NEDD4: variants seen among roughly 807,000 people sequenced by gnomAD.
The protein encoded by NEDD4 is E3 ubiquitin-protein ligase NEDD4.
In NEDD4, 99 loss-of-function variants were observed where a neutral mutation model predicts 144.9. The ratio of observed to expected loss-of-function variants is 0.68; its 90% CI spans 0.58 to 0.81. The LOEUF is 0.81. Among genes scored for constraint, NEDD4 ranks in the 30% least tolerant of loss-of-function variants. The pLI, the probability that NEDD4 is intolerant of heterozygous loss-of-function variation, is 0.00. For missense variants in NEDD4, 985 were observed against 1,065.9 expected, an observed-to-expected ratio of 0.92 and a Z score of 1.06; for synonymous variants, 318 against 350.6, an observed-to-expected ratio of 0.91 and a Z score of 1.04.
intron 1 of NEDD4, among the ~76,000 whole-genome samples, chr15:55,983,886 C>T (rs1187713636): frequency 1.3e-5 from 2 of 152,142 alleles, no homozygotes; most frequent in African/African-American, 4.8e-5. Context: ...GCTGGGATTA[C>T]AGGTGTGAGC....
intron 21 of NEDD4, among the ~76,000 whole-genome samples, chr15:55,839,741 G>T (rs1340745403): frequency 6.6e-6 from 1 of 151,750 alleles, no homozygotes; most frequent in East Asian, 1.9e-4. Context: ...ACTTTGGGAC[G>T]CTGAGGCAGG....
intron 11 of NEDD4, among the ~76,000 whole-genome samples, chr15:55,859,929 A>T (rs558655949): frequency 6.6e-6 from 1 of 152,308 alleles, no homozygotes; most frequent in Admixed American, 6.5e-5. Context: ...TTTGCTAATC[A>T]TAGCTTTAGC....
intron 8 of NEDD4, 90 bp from the exon 9 acceptor site, chr15:55,863,169 T>C: frequency 2.6e-6 from 3 of 1,160,736 alleles, no homozygotes; most frequent in Non-Finnish European, 3.5e-6. Flanking sequence ...AAGAGATTTA[T>C]TATATCAAGT....
rs563717728 is a variant in NEDD4, at chr15:55,927,946, A to G, written c.238-3247T>C. On this transcript the variant is annotated intron_variant, in intron 4 of 28. Transcript: ENST00000435532. ...CAGACACTGCAGATGTTTAATGAAT[A>G]TTGCTAAGAAACTAATCTGCTGTCC... 1.2e-4 allele frequency among the ~76,000 whole-genome samples: 18 copies of G among 152,316 alleles called. No homozygotes were observed. In the South Asian group the frequency reaches 2.3e-3, roughly 19 times the overall value.
intron 8 of NEDD4, among the ~76,000 whole-genome samples, chr15:55,867,540 A>G (rs1177610866): frequency 2.0e-5 from 3 of 152,242 alleles, no homozygotes; most frequent in African/African-American, 7.2e-5. Context: ...CTTTCTTTAC[A>G]GCAGATATCC....
At chr15:55,918,199 T>C (rs1358519746) in intron 5 of NEDD4, among the ~76,000 whole-genome samples, 2 of 152,182 alleles carry the variant, frequency 1.3e-5, no homozygotes, top group African/African-American at 2.4e-5. Flanking sequence ...TAGAGAACAG[T>C]GGACTGTTTG....
At chr15:55,956,518 T>C (rs1206754321) in intron 2 of NEDD4, among the ~76,000 whole-genome samples, 3 of 152,236 alleles carry the variant, frequency 2.0e-5, no homozygotes. Context: ...GTTCTAGTAC[T>C]GTGTACTGAA....
chr15:55,915,287 G>T (rs2036398931), intron 5 of NEDD4: 9 of 1,555,892 alleles, frequency 5.8e-6, no homozygotes, highest in Non-Finnish European at 5.2e-6. Context: ...AACTTACCTT[G>T]CAAGAATTAG....
chr15:55,852,390 C>G (rs1357210560), intron 13 of NEDD4, 34 bp downstream of exon 13: 2 of 1,592,432 alleles, frequency 1.3e-6, no homozygotes, highest in Non-Finnish European at 1.7e-6. Context: ...AGTTTAAATC[C>G]TGTAAGAAAG....
chr15:55,913,874 A>C (rs73416284), intron 5 of NEDD4, among the ~76,000 whole-genome samples: 3,191 of 152,104 alleles, frequency 0.021, 112 homozygotes, highest in African/African-American at 0.072. Flanking sequence ...ATTAAGTGTA[A>C]AATAAATTTA....
At chr15:55,883,140 G>T (rs1174117069) in intron 5 of NEDD4, among the ~76,000 whole-genome samples, 3 of 152,252 alleles carry the variant, frequency 2.0e-5, no homozygotes, top group Non-Finnish European at 1.5e-5. Flanking sequence ...CCTTCCCTGG[G>T]ATACAGGGGA....
chr15:55,949,117 A>C (rs1255823785), intron 4 of NEDD4, among the ~76,000 whole-genome samples: 1 of 152,204 alleles, frequency 6.6e-6, no homozygotes, highest in Non-Finnish European at 1.5e-5. Context: ...AGAAAAAAAC[A>C]ACCCCATCAA....
At chr15:55,952,736 ATC>A (rs2037265160) in intron 2 of NEDD4, 1 of 152,110 alleles carries the variant, frequency 6.6e-6, no homozygotes, top group South Asian at 2.1e-4. Flanking sequence ...GCCTTGCGTC[ATC>A]TGTTCTCACT....
intron 13 of NEDD4, among the ~76,000 whole-genome samples, chr15:55,851,527 A>C (rs2033980504): frequency 1.3e-5 from 2 of 150,880 alleles, no homozygotes; most frequent in Non-Finnish European, 3.0e-5. Flanking sequence ...CCCAGGCTGG[A>C]GTGCAATGGC....
chr15:55,829,666 AGGC>A lies in NEDD4; in HGVS notation c.*228_*230del. Reference sequence around the variant, plus strand: ...GGTGTGGTGGTGCCTGGCTTTAGGCAGGCACCTAACTCTAAAGACAGCATGAAA... The same window carrying A: ...GGTGTGGTGGTGCCTGGCTTTAGGCAACCTAACTCTAAAGACAGCATGAAA... On this transcript the variant is annotated 3_prime_UTR_variant, in exon 29 of 29. Transcript: ENST00000435532. 1 of 386,582 alleles carries A rather than the reference AGGC, an allele frequency of 2.6e-6. No homozygotes were observed. Among genetic ancestry groups the A allele is most frequent in the South Asian group, 3.4e-5 (1 of 29,820 alleles). The allele number at this position is 386,582 out of a possible 1,614,324, so 23.9% of individuals were successfully genotyped here.
intron 4 of NEDD4, among the ~76,000 whole-genome samples, chr15:55,942,063 AT>A (rs34216809): frequency 8.7e-5 from 13 of 150,226 alleles, no homozygotes; most frequent in South Asian, 4.2e-4. Context: ...TATATTTACT[AT>A]TTTTTTTTTG....
At chr15:55,915,500 T>C in intron 5 of NEDD4, 1 of 1,613,790 alleles carries the variant, frequency 6.2e-7, no homozygotes, top group East Asian at 2.2e-5. Flanking sequence ...TGTTCATCTG[T>C]GAATGTGGTC....
At chr15:55,930,975 C>A (rs892427446) in intron 4 of NEDD4, among the ~76,000 whole-genome samples, 6 of 152,050 alleles carry the variant, frequency 3.9e-5, no homozygotes, top group Non-Finnish European at 5.9e-5. Flanking sequence ...TTACCAAAGG[C>A]CAAACACAAT....
At chr15:55,844,390 G>A (rs544006165) in intron 18 of NEDD4, among the ~76,000 whole-genome samples, 2 of 146,614 alleles carry the variant, frequency 1.4e-5, no homozygotes, top group African/African-American at 5.1e-5. Context: ...AGGCACACTG[G>A]TCAGTTAAAG....
Sources: allele counts gnomAD v4.1 joint callset (sites outside exome capture counted in the v4.1 genomes callset), GRCh38; gene constraint gnomAD v4.1.1; transcripts MANE v1.5; gene names NCBI Gene and HGNC (gene_info 2026-07-23, HGNC 2026-07-21).